The following RFX7 variants were observed in gnomAD, a reference collection of about 807,000 sequenced individuals.
The protein encoded by RFX7 is regulatory factor X7, also known as DNA-binding protein RFX7.
RFX7 carries 26 observed loss-of-function variants against 111.8 expected under a neutral mutation model. That is an observed-to-expected ratio of 0.23 (90% confidence interval 0.17 to 0.32). The LOEUF is 0.32. Ranked by LOEUF, RFX7 falls within the 10% of genes least tolerant of loss-of-function variation. RFX7 has a pLI of 1.00. For missense variants in RFX7, 1,573 were observed against 1,772.9 expected, an observed-to-expected ratio of 0.89 and a Z score of 2.02; for synonymous variants, 624 against 624.4, an observed-to-expected ratio of 1.00 and a Z score of 0.01.
intron 2 of RFX7, among the ~76,000 whole-genome samples, chr15:56,193,478 T>C (rs1445488141): frequency 6.6e-6 from 1 of 152,226 alleles, no homozygotes; most frequent in Non-Finnish European, 1.5e-5. Flanking sequence ...TGATAATTGA[T>C]AATGACAGGC....
At chr15:56,213,586 T>C (rs1034855409) in intron 2 of RFX7, among the ~76,000 whole-genome samples, 5 of 152,196 alleles carry the variant, frequency 3.3e-5, no homozygotes, top group Non-Finnish European at 4.4e-5. Context: ...ATATTTGCAG[T>C]GACAAAAACG....
intron 2 of RFX7, chr15:56,192,303 T>A (rs1595999617): frequency 1.0e-5 from 2 of 200,032 alleles, no homozygotes; most frequent in African/African-American, 4.7e-5. Context: ...TGCTGGCTGG[T>A]AAGCGCTCAC....
chr15:56,123,945 A>T (rs1414357601), intron 5 of RFX7, among the ~76,000 whole-genome samples: 1 of 152,162 alleles, frequency 6.6e-6, no homozygotes. Context: ...CAGCAATTCA[A>T]GACTTTTTTT....
chr15:56,113,683 AG>A (rs1440227857), intron 5 of RFX7, among the ~76,000 whole-genome samples: 1 of 151,610 alleles, frequency 6.6e-6, no homozygotes, highest in African/African-American at 2.4e-5. Context: ...AAAAAAAAAA[AG>A]TAAACTGAAT....
rs2041617099 is a variant in RFX7, at chr15:56,093,048, T to A, written c.*297A>T. On this transcript the variant is annotated 3_prime_UTR_variant, in exon 10 of 10. Coordinates refer to ENST00000559447, the MANE Select transcript of RFX7 (RefSeq NM_022841.7). ...ATCATCTGATGAAATGAAACTAACT[T>A]ACACAAAATAAAGATCGACTGCTCT... 1 of 289,746 alleles carries A rather than the reference T, an allele frequency of 3.5e-6. No homozygotes were observed. Among genetic ancestry groups the A allele is most frequent in the African/African-American group, 2.2e-5 (1 of 46,488 alleles). The allele number at this position is 289,746 out of a possible 1,614,324, so 17.9% of individuals were successfully genotyped here.
intron 2 of RFX7, among the ~76,000 whole-genome samples, chr15:56,202,153 C>G (rs2043199013): frequency 6.6e-6 from 1 of 152,186 alleles, no homozygotes; most frequent in African/African-American, 2.4e-5. Context: ...GGCTTAGTCT[C>G]TGAAACCTAT....
At chr15:56,232,109 G>C (rs11632087) in intron 2 of RFX7, among the ~76,000 whole-genome samples, 19,824 of 152,184 alleles carry the variant, frequency 0.13, 1,690 homozygotes, top group East Asian at 0.44. Context: ...TGCAGGGCAA[G>C]CTATCGGTGG....
rs563609132 is a variant in RFX7 at position 56,113,568 on chromosome 15, G to C, written c.402-9898C>G. Among the ~76,000 whole-genome samples, 11 of 151,994 alleles carry C rather than the reference G, an allele frequency of 7.2e-5. No individual in the cohort carries two copies. In the South Asian group the frequency reaches 2.3e-3, roughly 32 times the overall value. ...TGCATGAGGGGCTTAATACCTAGGT[G>C]ACAGGTTGGTAGGTGCAGCAAACCA... is the stretch of plus-strand genomic sequence containing the variant. On this transcript the variant is annotated intron_variant, in intron 5 of 9. Transcript: ENST00000559447.
chr15:56,171,150 T>G (rs1293917914), intron 3 of RFX7, among the ~76,000 whole-genome samples: 2 of 151,578 alleles, frequency 1.3e-5, no homozygotes, highest in African/African-American at 4.9e-5. Context: ...AACCAAGGAG[T>G]CAGAACTGAT....
intron 5 of RFX7, among the ~76,000 whole-genome samples, chr15:56,107,786 T>C (rs2041851787): frequency 1.3e-5 from 2 of 151,940 alleles, no homozygotes; most frequent in African/African-American, 4.8e-5. Flanking sequence ...CAAATAGCAA[T>C]AAAAAATGAT....
intron 5 of RFX7, among the ~76,000 whole-genome samples, chr15:56,139,056 C>G (rs1186439476): frequency 6.6e-6 from 1 of 151,652 alleles, no homozygotes; most frequent in Non-Finnish European, 1.5e-5. Context: ...ACATTTTTTC[C>G]TTCATTTCAA....
intron 2 of RFX7, among the ~76,000 whole-genome samples, chr15:56,190,163 G>C (rs1177813756): frequency 6.6e-6 from 1 of 152,202 alleles, no homozygotes; most frequent in Non-Finnish European, 1.5e-5. Context: ...GGAAAAATTA[G>C]AAAAAGTATC....
intron 5 of RFX7, among the ~76,000 whole-genome samples, chr15:56,111,343 C>T (rs1260945844): frequency 6.6e-6 from 1 of 152,018 alleles, no homozygotes; most frequent in Non-Finnish European, 1.5e-5. Flanking sequence ...GATCTGTGAC[C>T]TTACCCCCAA....
intron 2 of RFX7, among the ~76,000 whole-genome samples, chr15:56,213,691 A>G (rs756364222): frequency 3.9e-5 from 6 of 152,202 alleles, no homozygotes; most frequent in Non-Finnish European, 7.4e-5. Flanking sequence ...AATAAAGGGT[A>G]CACATGATCT....
chr15:56,121,523 C>T (rs1277260136), intron 5 of RFX7, among the ~76,000 whole-genome samples: 2 of 152,142 alleles, frequency 1.3e-5, no homozygotes, highest in Admixed American at 1.3e-4. Flanking sequence ...GTTGAATCTG[C>T]TTGCTTTTCT....
At chr15:56,137,428 G>A (rs2042319945) in intron 5 of RFX7, among the ~76,000 whole-genome samples, 1 of 152,192 alleles carries the variant, frequency 6.6e-6, no homozygotes, top group African/African-American at 2.4e-5. Flanking sequence ...ATTCTCTGAT[G>A]TTAGTTTGCA....
chr15:56,144,955 TACA>T (rs1330476065), intron 3 of RFX7, among the ~76,000 whole-genome samples: 1 of 152,170 alleles, frequency 6.6e-6, no homozygotes, highest in African/African-American at 2.4e-5. Context: ...TTCAAATATT[TACA>T]ACATGTGACT....
chr15:56,225,892 A>C (rs1231251825), intron 2 of RFX7, among the ~76,000 whole-genome samples: 3 of 152,196 alleles, frequency 2.0e-5, no homozygotes, highest in African/African-American at 7.2e-5. Context: ...AAAGCTGTTA[A>C]CTTCTCAGAT....
At chr15:56,109,609 C>G (rs1212513893) in intron 5 of RFX7, among the ~76,000 whole-genome samples, 2 of 151,954 alleles carry the variant, frequency 1.3e-5, no homozygotes, top group Non-Finnish European at 2.9e-5. Context: ...AGGAGCGCCT[C>G]TTCCCTGCCG....
Sources: allele counts gnomAD v4.1 joint callset (sites outside exome capture counted in the v4.1 genomes callset), GRCh38; gene constraint gnomAD v4.1.1; transcripts MANE v1.5; gene names NCBI Gene and HGNC (gene_info 2026-07-23, HGNC 2026-07-21).